SH3KBP1: variants seen among roughly 807,000 people sequenced by gnomAD.
SH3KBP1 encodes SH3 domain-containing kinase-binding protein 1.
Under a neutral mutation model 50.1 loss-of-function variants are expected in SH3KBP1, and 8 were observed. The observed-to-expected ratio is 0.16, with a 90% confidence interval of 0.09 to 0.29. The LOEUF (loss-of-function observed/expected upper bound fraction) is 0.29. Among genes scored for constraint, SH3KBP1 ranks in the 10% least tolerant of loss-of-function variants. The probability of loss-of-function intolerance (pLI) is 1.00; values close to 1 mark genes in which losing one functional copy is unlikely to be tolerated. For synonymous variants in SH3KBP1, 227 were observed against 218.6 expected, an observed-to-expected ratio of 1.04 and a Z score of -0.34; for missense variants, 377 against 535.2, an observed-to-expected ratio of 0.70 and a Z score of 2.92.
At position 19,783,547 on chromosome X, in the gene SH3KBP1, CCT is replaced by C. The variant is rs762656008; in HGVS notation, c.163-37108_163-37107del. The stretch of plus-strand genomic sequence containing the variant: ...CCCTTAATCAACCTCTCCCTACCCT[CCT>C]CTCTCTGTACCCTTCCCAACCTCTT... On this transcript the variant is annotated intron_variant, in intron 2 of 17. Coordinates refer to ENST00000397821, the MANE Select transcript of SH3KBP1 (RefSeq NM_031892.3). Among the ~76,000 whole-genome samples, 8 of 111,458 alleles carry C rather than the reference CCT, an allele frequency of 7.2e-5. No homozygotes were observed. In the South Asian group the frequency reaches 3.0e-3, roughly 42 times the overall value.
At position 19,534,739 on chromosome X, in the gene SH3KBP1, C is replaced by A. The variant is rs867856503; in HGVS notation, c.*1678G>T. 3.4e-6 allele frequency: 1 copy of A among 294,499 alleles called. No homozygotes were observed. Among genetic ancestry groups the A allele is most frequent in the Middle Eastern group, 8.9e-4 (1 of 1,120 alleles). 24.3% of individuals were successfully genotyped at this position (294,499 alleles called of 1,213,427 possible). A position where few individuals can be genotyped will look rare whatever the true frequency, so the allele number is the denominator to read the frequency against. The stretch of plus-strand genomic sequence containing the variant: ...TATACACTCCCTTCCCTTAATTATG[C>A]CCCCACCCAGGAAGACCAAGGTGTT... On this transcript the variant is annotated 3_prime_UTR_variant, in exon 18 of 18. Coordinates refer to ENST00000397821, the MANE Select transcript of SH3KBP1 (RefSeq NM_031892.3).
chrX:19,830,882 C>T (rs776169843), intron 2 of SH3KBP1, among the ~76,000 whole-genome samples: 8 of 111,840 alleles, frequency 7.2e-5, no homozygotes, highest in Non-Finnish European at 1.5e-4. Flanking sequence ...AGAGACAAAC[C>T]TAAAAAGGCA....
rs766252920 is a variant in SH3KBP1 at position 19,870,604 on chromosome X, C to T, written c.4+16703G>A. 9.8e-5 allele frequency among the ~76,000 whole-genome samples: 11 copies of T among 112,086 alleles called. 1 individual carries two copies. The South Asian group carries it at 2.2e-3, about 23-fold the overall frequency. Reference sequence around the variant, plus strand: ...CACGTGATCCGCTGACCTTGTCCTACCAAAGTGCTGGGATTAGAAGCGTGA... The same window carrying T: ...CACGTGATCCGCTGACCTTGTCCTATCAAAGTGCTGGGATTAGAAGCGTGA... On this transcript the variant is annotated intron_variant, in intron 1 of 17. Transcript: ENST00000397821.
At chrX:19,552,212 C>A (rs1445290933) in intron 13 of SH3KBP1, among the ~76,000 whole-genome samples, 1 of 112,235 alleles carries the variant, frequency 8.9e-6, no homozygotes, top group Non-Finnish European at 1.9e-5. Flanking sequence ...GTTTCCAAAT[C>A]ATTTCCCCCT....
At chrX:19,811,980 T>C (rs2067219026) in intron 2 of SH3KBP1, among the ~76,000 whole-genome samples, 1 of 111,795 alleles carries the variant, frequency 8.9e-6, no homozygotes, top group African/African-American at 3.3e-5. Context: ...TAGGAAAGCA[T>C]TGGCACAGTT....
At chrX:19,838,886 C>CAAAAAAAAA (rs1187740894) in intron 1 of SH3KBP1, among the ~76,000 whole-genome samples, 3 of 29,910 alleles carry the variant, frequency 1.0e-4, no homozygotes, top group African/African-American at 2.0e-4. Context: ...AACTTTGTCT[C>CAAAAAAAAA]AAAAAAAAAA....
intron 3 of SH3KBP1, among the ~76,000 whole-genome samples, chrX:19,719,292 C>G (rs1285279255): frequency 9.0e-6 from 1 of 111,081 alleles, no homozygotes; most frequent in Non-Finnish European, 1.9e-5. Context: ...CTATGTGGAC[C>G]CCAGGTGCCA....
chrX:19,634,454 C>G (rs900538179), intron 7 of SH3KBP1, among the ~76,000 whole-genome samples: 1 of 111,727 alleles, frequency 9.0e-6, no homozygotes, highest in Non-Finnish European at 1.9e-5. Flanking sequence ...AGGCATTAGA[C>G]ACAGAATTAT....
At chrX:19,864,476 G>C (rs1274753538) in intron 1 of SH3KBP1, among the ~76,000 whole-genome samples, 1 of 112,113 alleles carries the variant, frequency 8.9e-6, no homozygotes, top group Admixed American at 9.4e-5. Context: ...TTCTTAAAAA[G>C]AGAGCGGGGG....
chrX:19,587,038 C>T (rs968736930), intron 12 of SH3KBP1, among the ~76,000 whole-genome samples: 3 of 110,070 alleles, frequency 2.7e-5, no homozygotes, highest in Non-Finnish European at 5.7e-5. Flanking sequence ...GCCTGACCAA[C>T]ATGGAGAAAC....
chrX:19,678,214 G>T (rs1198947245), intron 6 of SH3KBP1, among the ~76,000 whole-genome samples: 1 of 111,721 alleles, frequency 9.0e-6, no homozygotes, highest in Admixed American at 9.6e-5. Context: ...TAAGTGTTCA[G>T]CTTGAGAACA....
Position 19,883,142 on chromosome X carries a change from T to C in SH3KBP1, c.4+4165A>G, listed in dbSNP as rs1474171605. Among the ~76,000 whole-genome samples the C allele has an allele frequency of 2.7e-5, 3 of 112,058 alleles. No individual in the cohort carries two copies. The East Asian group carries it at 8.4e-4, about 32-fold the overall frequency. ...TGATCAGAACCACCTGGAGGACTCA[T>C]GAAAATGCAGATTGCTGGGCCCCAT... is the stretch of plus-strand genomic sequence containing the variant. On this transcript the variant is annotated intron_variant, in intron 1 of 17. Transcript: ENST00000397821.
At chrX:19,635,832 T>A (rs2030237567) in intron 7 of SH3KBP1, among the ~76,000 whole-genome samples, 1 of 110,803 alleles carries the variant, frequency 9.0e-6, no homozygotes, top group African/African-American at 3.3e-5. Flanking sequence ...GGGAGGAGAA[T>A]GGCAGAAAGA....
intron 1 of SH3KBP1, 91 bp downstream of exon 1, chrX:19,887,216 C>T (rs1316432126): frequency 9.8e-6 from 8 of 812,238 alleles, no homozygotes; most frequent in Non-Finnish European, 1.2e-5. Flanking sequence ...ACCCTGCCCC[C>T]GGGGCGCCCT....
chrX:19,876,552 T>A (rs936172735), intron 1 of SH3KBP1, among the ~76,000 whole-genome samples: 1 of 110,443 alleles, frequency 9.1e-6, no homozygotes, highest in African/African-American at 3.3e-5. Flanking sequence ...CCAATGCACA[T>A]CTCCGGGGGG....
chrX:19,578,700 A>G (rs1321219797), intron 12 of SH3KBP1, among the ~76,000 whole-genome samples: 1 of 112,124 alleles, frequency 8.9e-6, no homozygotes, highest in African/African-American at 3.2e-5. Context: ...TTTTCTCTCA[A>G]ATGAACAGCA....
At chrX:19,565,416 T>C (rs2065815773) in intron 13 of SH3KBP1, among the ~76,000 whole-genome samples, 1 of 111,658 alleles carries the variant, frequency 9.0e-6, no homozygotes, top group African/African-American at 3.3e-5. Context: ...CCCAGCTTGC[T>C]TTCTTCCCTG....
chrX:19,575,653 A>C (rs2066176211), intron 12 of SH3KBP1, among the ~76,000 whole-genome samples: 1 of 111,966 alleles, frequency 8.9e-6, no homozygotes, highest in Admixed American at 9.5e-5. Flanking sequence ...GAAGTTTAAA[A>C]AAGGTTCTGA....
chrX:19,584,489 C>T (rs1424607189), intron 12 of SH3KBP1, among the ~76,000 whole-genome samples: 1 of 106,792 alleles, frequency 9.4e-6, no homozygotes, highest in Admixed American at 1.1e-4. Context: ...ACCACCATGC[C>T]TGCATAATTT....
Sources: allele counts gnomAD v4.1 joint callset (sites outside exome capture counted in the v4.1 genomes callset), GRCh38; gene constraint gnomAD v4.1.1; transcripts MANE v1.5; gene names NCBI Gene and HGNC (gene_info 2026-07-23, HGNC 2026-07-21).